The following DGKB variants were observed in gnomAD, a reference collection of about 807,000 sequenced individuals.
DGKB encodes the protein 90 kDa diacylglycerol kinase.
In DGKB, 67 loss-of-function variants were observed where a neutral mutation model predicts 114.3. That is an observed-to-expected ratio of 0.59 (90% CI 0.48 to 0.72). The LOEUF is 0.72. DGKB is among the 30% of genes least tolerant of loss of function. The pLI is 0.00. For missense variants in DGKB, 907 were observed against 975.2 expected, an observed-to-expected ratio of 0.93 and a Z score of 0.93; for synonymous variants, 398 against 323.1, an observed-to-expected ratio of 1.23 and a Z score of -2.49.
chr7:14,788,791 C>T (rs554091992), intron 2 of DGKB, among the ~76,000 whole-genome samples: 29 of 152,240 alleles, frequency 1.9e-4, no homozygotes, highest in African/African-American at 6.0e-4. Context: ...TCCTTTCTCT[C>T]GGGATTCGTG....
chr7:14,959,024 G>C (rs1786684311), intron 1 of DGKB, among the ~76,000 whole-genome samples: 1 of 151,998 alleles, frequency 6.6e-6, no homozygotes, highest in Non-Finnish European at 1.5e-5. Flanking sequence ...AATCATGACT[G>C]ATATTGATTT....
intron 21 of DGKB, among the ~76,000 whole-genome samples, chr7:14,362,155 C>T (rs2128631969): frequency 6.6e-6 from 1 of 152,080 alleles, no homozygotes; most frequent in South Asian, 2.1e-4. Flanking sequence ...AGCAAAATCT[C>T]CTGGAGGCTC....
At chr7:14,785,087 C>T (rs1839686493) in intron 2 of DGKB, among the ~76,000 whole-genome samples, 1 of 152,070 alleles carries the variant, frequency 6.6e-6, no homozygotes, top group African/African-American at 2.4e-5. Context: ...AATAAAGAGT[C>T]AACTAAATAT....
At chr7:14,529,866 A>C (rs1791275092) in intron 20 of DGKB, among the ~76,000 whole-genome samples, 2 of 151,728 alleles carry the variant, frequency 1.3e-5, no homozygotes. Flanking sequence ...CACTATAATA[A>C]AGTATGAAAT....
intron 14 of DGKB, among the ~76,000 whole-genome samples, chr7:14,627,443 C>T (rs563080679): frequency 1.3e-5 from 2 of 152,030 alleles, no homozygotes; most frequent in South Asian, 4.2e-4. Context: ...GGGTATAAAC[C>T]ACTTACAAGA....
chr7:14,562,253 TC>T (rs1390974157), intron 20 of DGKB, among the ~76,000 whole-genome samples: 3 of 152,202 alleles, frequency 2.0e-5, no homozygotes, highest in Non-Finnish European at 2.9e-5. Context: ...TATGGAAACA[TC>T]TGGATATCCA....
intron 1 of DGKB, among the ~76,000 whole-genome samples, chr7:14,900,957 A>G (rs999795134): frequency 8.5e-5 from 13 of 152,280 alleles, no homozygotes; most frequent in African/African-American, 3.1e-4. Flanking sequence ...TCTATTCTTC[A>G]TATAGACTTT....
intron 23 of DGKB, among the ~76,000 whole-genome samples, chr7:14,329,320 A>G (rs975287041): frequency 6.6e-6 from 1 of 151,940 alleles, no homozygotes; most frequent in Non-Finnish European, 1.5e-5. Flanking sequence ...TATCACATCC[A>G]TTAAAGTTAT....
intron 1 of DGKB, among the ~76,000 whole-genome samples, chr7:14,959,715 G>A (rs1786729794): frequency 6.6e-6 from 1 of 151,128 alleles, no homozygotes; most frequent in African/African-American, 2.4e-5. Flanking sequence ...TCATATCTGT[G>A]GGGAGAAGTG....
At chr7:14,835,742 A>C (rs62448753) in intron 2 of DGKB, among the ~76,000 whole-genome samples, 31,929 of 152,100 alleles carry the variant, frequency 0.21, 3,635 homozygotes, top group African/African-American at 0.3. Context: ...TGAATCCTGG[A>C]TTCTAGCTTT....
chr7:14,442,709 C>T lies in DGKB; in HGVS notation c.1835+35452G>A, dbSNP rs147113871. ...TTATTTCTAACTTTTTTCTAATGTC[C>T]AATATGATTCTTTCTTTTTTGGGAT... On this transcript the variant is annotated intron_variant, in intron 21 of 25. Coordinates refer to ENST00000402815, the MANE Select transcript of DGKB (RefSeq NM_001350709.2). 2.6e-3 allele frequency among the ~76,000 whole-genome samples: 392 copies of T among 151,850 alleles called. 2 individuals are homozygous for T. The highest frequency in any genetic ancestry group is 9.2e-3 in the African/African-American group (381 of 41,424).
intron 20 of DGKB, among the ~76,000 whole-genome samples, chr7:14,494,556 T>C (rs1345783288): frequency 6.6e-6 from 1 of 151,956 alleles, no homozygotes; most frequent in East Asian, 1.9e-4. Context: ...CACTTATGGC[T>C]TAATATGGCA....
At chr7:14,934,558 G>T (rs976465510) in intron 1 of DGKB, among the ~76,000 whole-genome samples, 1 of 152,160 alleles carries the variant, frequency 6.6e-6, no homozygotes, top group African/African-American at 2.4e-5. Flanking sequence ...CTAGAGAAGA[G>T]ACAAGCAACA....
At chr7:14,298,379 C>G (rs953150634) in intron 23 of DGKB, among the ~76,000 whole-genome samples, 1 of 152,128 alleles carries the variant, frequency 6.6e-6, no homozygotes, top group Non-Finnish European at 1.5e-5. Context: ...TGGAACAGAA[C>G]AGAGGCCTCA....
intron 6 of DGKB, among the ~76,000 whole-genome samples, chr7:14,715,109 T>C (rs1057194960): frequency 1.3e-5 from 2 of 152,144 alleles, no homozygotes; most frequent in Non-Finnish European, 2.9e-5. Flanking sequence ...CTCAGATCAC[T>C]GAGACAGTGA....
chr7:14,710,088 G>A (rs1298432290), intron 6 of DGKB, among the ~76,000 whole-genome samples: 1 of 151,930 alleles, frequency 6.6e-6, no homozygotes, highest in African/African-American at 2.4e-5. Flanking sequence ...TAATGAGATT[G>A]TACTGAACCT....
chr7:14,450,688 C>A (rs572538540), intron 21 of DGKB, among the ~76,000 whole-genome samples: 1 of 152,164 alleles, frequency 6.6e-6, no homozygotes, highest in East Asian at 1.9e-4. Context: ...GAATGATGCC[C>A]ATTTTCATCA....
At chr7:14,382,120 G>T (rs1819575047) in intron 21 of DGKB, among the ~76,000 whole-genome samples, 1 of 152,180 alleles carries the variant, frequency 6.6e-6, no homozygotes, top group East Asian at 1.9e-4. Context: ...CCTCTGATAG[G>T]CTGGTAGCAG....
intron 23 of DGKB, among the ~76,000 whole-genome samples, chr7:14,329,811 T>C (rs1265410259): frequency 6.6e-6 from 1 of 152,010 alleles, no homozygotes; most frequent in Non-Finnish European, 1.5e-5. Context: ...ACTCTACATG[T>C]GTTATTTAAT....
Sources: allele counts gnomAD v4.1 joint callset (sites outside exome capture counted in the v4.1 genomes callset), GRCh38; gene constraint gnomAD v4.1.1; transcripts MANE v1.5; gene names NCBI Gene and HGNC (gene_info 2026-07-23, HGNC 2026-07-21).